Variants in POM121C observed in about 807,000 individuals in gnomAD.
POM121C encodes the protein POM121 transmembrane nucleoporin C, also known as nuclear envelope pore membrane protein POM 121C.
A neutral mutation model predicts 66.4 loss-of-function variants in POM121C; 20 were observed. The observed-to-expected ratio is 0.30, with a 90% CI of 0.21 to 0.44. The LOEUF (loss-of-function observed/expected upper bound fraction) is 0.44. POM121C is among the 20% of genes least tolerant of loss of function. POM121C has a pLI of 1.00. For synonymous variants in POM121C, 286 were observed against 528.0 expected (o/e 0.54, Z 6.28); for missense variants, 580 against 1,225.7 (o/e 0.47, Z 7.87).
intron 3 of POM121C, among the ~76,000 whole-genome samples, chr7:75,449,635 G>A (rs1423925717): frequency 6.6e-6 from 1 of 152,108 alleles, no homozygotes; most frequent in Non-Finnish European, 1.5e-5. Context: ...CCAAAGTGCT[G>A]GGATTACAGG....
chr7:75,435,455 T>C (rs797028606), intron 7 of POM121C, among the ~76,000 whole-genome samples: 5 of 152,332 alleles, frequency 3.3e-5, no homozygotes, highest in African/African-American at 1.2e-4. Flanking sequence ...TTTTTGAGTG[T>C]ATCTTGTTTT....
In POM121C at chr7:75,473,967, C is replaced by T. The variant is rs1169582852; in HGVS notation, c.-152+737G>A. Among the ~76,000 whole-genome samples the T allele has an allele frequency of 5.9e-5, 9 of 152,088 alleles. No homozygotes were observed. In the South Asian group the frequency reaches 6.2e-4, roughly 11 times the overall value. ...CCTCCTAAAGTGCTGGGATTACAGG[C>T]GTTAGCCACCGCGCCCGGCCAAGTC... On this transcript the variant is annotated intron_variant, in intron 3 of 14. Coordinates refer to ENST00000615331, the MANE Select transcript of POM121C (RefSeq NM_001099415.3).
rs1372174397 is a variant in POM121C at position 75,441,038 on chromosome 7, A to G, written c.143T>C (p.Leu48Pro). Residue 48 changes from leucine (L) to proline (P), a missense_variant, in exon 5 of 15, where the codon CTG (leucine) becomes CCG (proline). By Grantham distance (98) the Leu-to-Pro change is moderately conservative (BLOSUM62 -3). Transcript: ENST00000615331. ...APDPCAKETV[L>P]SALKEKKKKR... is the part of the protein sequence containing the mutation. ...CTTCTTCTTCTCTTTGAGGGCACTC[A>G]GTACAGTCTCCTTTGCACATGGGTC... The G allele has an allele frequency of 6.2e-7, 1 of 1,613,862 alleles. No homozygotes were observed. Among genetic ancestry groups the G allele is most frequent in the Non-Finnish European group, 8.5e-7 (1 of 1,179,872 alleles).
At position 75,437,561 on chromosome 7, in the gene POM121C, C is replaced by T. The variant is rs587742458; in HGVS notation, c.434G>A (p.Arg145His). ...GCTGTAGGAACTGGTAATGGCATTG[C>T]GGCTGGAGCTAGGGATGCCACTTGT... is the stretch of plus-strand genomic sequence containing the variant. ...AYTSGIPSSSRNAITSSYSST... is the reference protein window; with the variant it reads ...AYTSGIPSSSHNAITSSYSST... Residue 145 changes from arginine (R) to histidine (H), a missense_variant, in exon 7 of 15, where the codon CGC (arginine) becomes CAC (histidine). Transcript: ENST00000615331. 7.7e-5 allele frequency: 125 copies of T among 1,613,864 alleles called. 1 individual carries two copies. The South Asian group carries it at 1.2e-3, about 16-fold the overall frequency.
chr7:75,423,792 C>G (rs1258642962), intron 12 of POM121C, among the ~76,000 whole-genome samples: 2 of 151,556 alleles, frequency 1.3e-5, no homozygotes, highest in Non-Finnish European at 3.0e-5. Context: ...AGATCATTCT[C>G]ATCTGACAAA....
chr7:75,458,656 G>A (rs1584694672), intron 3 of POM121C, among the ~76,000 whole-genome samples: 1 of 152,378 alleles, frequency 6.6e-6, no homozygotes, highest in South Asian at 2.1e-4. Context: ...GCCACAGAAA[G>A]TGCATCCTGA....
At chr7:75,479,497 T>C (rs1792225221) in intron 1 of POM121C, among the ~76,000 whole-genome samples, 1 of 148,714 alleles carries the variant, frequency 6.7e-6, no homozygotes, top group Non-Finnish European at 1.5e-5. Context: ...GTGTCTGTAA[T>C]CCCAGCTACC....
chr7:75,450,652 CAG>C (rs1413378394), intron 3 of POM121C, among the ~76,000 whole-genome samples: 2 of 152,218 alleles, frequency 1.3e-5, no homozygotes, highest in South Asian at 2.1e-4. Flanking sequence ...CTAAAAGAAT[CAG>C]AGACTTCAGT....
In POM121C at chr7:75,451,215, C is replaced by G. The variant is rs587594649; in HGVS notation, c.-151-9568G>C. ...GAAACCAAAAACGAGCCCATATAGC[C>G]AAGACGATACTAAGCAAAAAGAACA... On this transcript the variant is annotated intron_variant, in intron 3 of 14. Coordinates refer to ENST00000615331, the MANE Select transcript of POM121C (RefSeq NM_001099415.3). Among the ~76,000 whole-genome samples the G allele has an allele frequency of 1.4e-4, 21 of 152,114 alleles. 1 individual carries two copies. The South Asian group carries it at 4.4e-3, about 32-fold the overall frequency.
rs1554480880 is a variant in POM121C at position 75,485,996 on chromosome 7, C to T, written c.-590G>A. ...CAAGGCTGTTCTGCTCCCGAGGGGC[C>T]CGGGCCGGGCCTACGGGGCAAATCC... On this transcript the variant is annotated 5_prime_UTR_variant, in exon 1 of 15. Transcript: ENST00000615331. 3 of 486,576 alleles carry T rather than the reference C, an allele frequency of 6.2e-6. No individual in the cohort carries two copies. The Admixed American group carries it at 6.6e-5, about 11-fold the overall frequency. 30.1% of individuals were successfully genotyped at this position (486,576 alleles called of 1,614,324 possible).
At position 75,437,571 on chromosome 7, in the gene POM121C, T is replaced by C. The variant is rs1554473179; in HGVS notation, c.424A>G (p.Ser142Gly). Residue 142 changes from serine to glycine, a missense_variant, in exon 7 of 15, where the codon AGC becomes GGC. Transcript: ENST00000615331. ...CTGGTAATGGCATTGCGGCTGGAGC[T>C]AGGGATGCCACTTGTGTAAGCGCCT... Reference protein sequence around the residue: ...LTGAYTSGIPSSSRNAITSSY... With the variant: ...LTGAYTSGIPGSSRNAITSSY... 1.5e-5 allele frequency: 25 copies of C among 1,613,950 alleles called. No individual in the cohort carries two copies. Among genetic ancestry groups the C allele is most frequent in the Non-Finnish European group, 2.1e-5 (25 of 1,179,846 alleles).
intron 1 of POM121C, among the ~76,000 whole-genome samples, chr7:75,482,431 C>T (rs1792341395): frequency 6.6e-6 from 1 of 152,170 alleles, no homozygotes; most frequent in African/African-American, 2.4e-5. Flanking sequence ...CAGTGGCTCA[C>T]GCCTATAATC....
chr7:75,463,365 T>C (rs1457318792), intron 3 of POM121C, among the ~76,000 whole-genome samples: 5 of 151,250 alleles, frequency 3.3e-5, no homozygotes, highest in Admixed American at 2.0e-4. Context: ...TAAAAAGTTG[T>C]ACACAGACTG....
intron 9 of POM121C, 151 bp downstream of exon 9, chr7:75,425,484 T>C: frequency 7.9e-7 from 1 of 1,261,878 alleles, no homozygotes; most frequent in Non-Finnish European, 1.1e-6. Context: ...GACTATAAAC[T>C]TCTGAAGGAG....
intron 7 of POM121C, among the ~76,000 whole-genome samples, chr7:75,431,152 C>T (rs1474461413): frequency 6.7e-6 from 1 of 148,934 alleles, no homozygotes; most frequent in Non-Finnish European, 1.5e-5. Flanking sequence ...TACAAATAGC[C>T]AATAAACAGT....
chr7:75,440,338 T>C (rs10237410), intron 5 of POM121C, among the ~76,000 whole-genome samples: 10,453 of 150,240 alleles, frequency 0.07, 1,083 homozygotes, highest in African/African-American at 0.22. Context: ...GAGGCCAAGG[T>C]GGGCGGATCA....
chr7:75,433,350 A>ATATT (rs1377301731), intron 7 of POM121C, among the ~76,000 whole-genome samples: 1 of 150,764 alleles, frequency 6.6e-6, no homozygotes, highest in East Asian at 1.9e-4. Context: ...ATATTAAAAT[A>ATATT]TATTTATTTA....
At position 75,436,714 on chromosome 7, in the gene POM121C, C is replaced by T. The variant is rs145024951; in HGVS notation, c.480+801G>A. Among the ~76,000 whole-genome samples the T allele has an allele frequency of 4.7e-4, 71 of 152,222 alleles. No individual in the cohort carries two copies. The East Asian group carries it at 0.011, about 24-fold the overall frequency. ...ACCCTCAATCATTGCAACAGCACTT[C>T]AGAGATAAGAAAAAGAGATGTTATG... On this transcript the variant is annotated intron_variant, in intron 7 of 14. Coordinates refer to ENST00000615331, the MANE Select transcript of POM121C (RefSeq NM_001099415.3).
Position 75,424,124 on chromosome 7 carries a change from G to A in POM121C, c.973C>T (p.Leu325=). 6.2e-7 allele frequency: 1 copy of A among 1,612,012 alleles called. No homozygotes were observed. Among genetic ancestry groups the A allele is most frequent in the South Asian group, 1.1e-5 (1 of 90,980 alleles). The change falls in exon 12 of 15, where the codon CTG becomes TTG. Residue 325 remains leucine (L), a synonymous_variant. Coordinates refer to ENST00000615331, the MANE Select transcript of POM121C (RefSeq NM_001099415.3). ...AATASPPTSL[L]APSTNPLLES... is the part of the protein sequence containing the mutation. ...AACAGTGGGTTGGTGCTTGGGGCCA[G>A]GAGGGAGGTGGGTGGGGAGGCAGTT...
Sources: allele counts gnomAD v4.1 joint callset (sites outside exome capture counted in the v4.1 genomes callset), GRCh38; gene constraint gnomAD v4.1.1; transcripts MANE v1.5; gene names NCBI Gene and HGNC (gene_info 2026-07-23, HGNC 2026-07-21).